RGS7: variants seen among roughly 807,000 people sequenced by gnomAD.
RGS7 encodes regulator of G-protein signaling 7.
A neutral mutation model predicts 81.1 loss-of-function variants in RGS7; 27 were observed. The ratio of observed to expected loss-of-function variants is 0.33; its 90% confidence interval spans 0.25 to 0.46. The LOEUF (loss-of-function observed/expected upper bound fraction) is 0.46, where lower values mean the gene tolerates loss of function less well. RGS7 is among the 20% of genes least tolerant of loss of function. RGS7 has a pLI of 1.00. For synonymous variants in RGS7, 208 were observed against 207.7 expected (o/e 1.00, Z -0.01); for missense variants, 396 against 607.4 (o/e 0.65, Z 3.66).
intron 6 of RGS7, among the ~76,000 whole-genome samples, chr1:240,922,010 A>G (rs1673634597): frequency 6.6e-6 from 1 of 152,188 alleles, no homozygotes; most frequent in Non-Finnish European, 1.5e-5. Flanking sequence ...ATAAACCTAT[A>G]GTAATCGAGG....
At chr1:240,821,563 G>A (rs1427041923) in intron 10 of RGS7, among the ~76,000 whole-genome samples, 1 of 152,204 alleles carries the variant, frequency 6.6e-6, no homozygotes, top group Non-Finnish European at 1.5e-5. Flanking sequence ...TAAGACAAGA[G>A]TAGTTTATTC....
intron 18 of RGS7, among the ~76,000 whole-genome samples, chr1:240,783,981 G>C (rs981441132): frequency 2.2e-5 from 3 of 138,066 alleles, no homozygotes; most frequent in Non-Finnish European, 4.6e-5. Context: ...TTTAAGACCA[G>C]CCTGGCCAAC....
At chr1:240,818,020 C>T (rs74795994) in intron 10 of RGS7, among the ~76,000 whole-genome samples, 2,549 of 152,278 alleles carry the variant, frequency 0.017, 74 homozygotes, top group African/African-American at 0.058. Context: ...CTTTCTTGCC[C>T]TACCACCAGA....
chr1:240,963,027 C>A (rs1441893507), intron 4 of RGS7, among the ~76,000 whole-genome samples: 1 of 151,956 alleles, frequency 6.6e-6, no homozygotes, highest in African/African-American at 2.4e-5. Flanking sequence ...TTGGAAAGAT[C>A]ATTATAGATG....
intron 3 of RGS7, among the ~76,000 whole-genome samples, chr1:241,087,836 C>G (rs59804097): frequency 0.029 from 4,364 of 151,798 alleles, 208 homozygotes; most frequent in African/African-American, 0.1. Context: ...GTAATCCCAG[C>G]TACTCGGGAG....
chr1:241,328,482 G>T (rs2081754750), intron 2 of RGS7, among the ~76,000 whole-genome samples: 1 of 152,192 alleles, frequency 6.6e-6, no homozygotes, highest in Non-Finnish European at 1.5e-5. Flanking sequence ...TGTCCTAGTG[G>T]ACTGGAAATC....
At chr1:240,943,001 T>G (rs1677861381) in intron 4 of RGS7, among the ~76,000 whole-genome samples, 2 of 152,180 alleles carry the variant, frequency 1.3e-5, no homozygotes, top group Non-Finnish European at 2.9e-5. Context: ...AGCTTTCATC[T>G]TTTTAAAAAA....
intron 2 of RGS7, among the ~76,000 whole-genome samples, chr1:241,118,105 C>G (rs918305384): frequency 3.9e-5 from 6 of 152,132 alleles, no homozygotes; most frequent in Non-Finnish European, 5.9e-5. Flanking sequence ...TTATTCTATT[C>G]CACTGAATAA....
chr1:241,181,443 C>T (rs371584030), intron 2 of RGS7, among the ~76,000 whole-genome samples: 4 of 152,100 alleles, frequency 2.6e-5, no homozygotes, highest in Non-Finnish European at 4.4e-5. Flanking sequence ...TAATTAAATG[C>T]GATAAATATG....
intron 16 of RGS7, 141 bp from the exon 17 acceptor site, chr1:240,801,649 A>T: frequency 1.4e-6 from 1 of 721,790 alleles, no homozygotes; most frequent in Non-Finnish European, 2.4e-6. Flanking sequence ...CAGAAGGCCC[A>T]TAGAGGTTGG....
Position 240,812,055 on chromosome 1 carries a change from A to C in RGS7, c.957-12T>G. On this transcript the variant is annotated splice_polypyrimidine_tract_variant and intron_variant, in intron 13 of 18. Coordinates refer to ENST00000440928, the MANE Select transcript of RGS7 (RefSeq NM_001364886.1). ...GGCTCGGTTCTTTGCTATAGAAGAT[A>C]AAACAAAGGCAAATACATTCCTTTC... is the stretch of plus-strand genomic sequence containing the variant. 6.2e-7 allele frequency: 1 copy of C among 1,614,128 alleles called. No homozygotes were observed. The highest frequency in any genetic ancestry group is 8.5e-7 in the Non-Finnish European group (1 of 1,180,004).
intron 2 of RGS7, among the ~76,000 whole-genome samples, chr1:241,162,904 T>C (rs1262455312): frequency 6.6e-6 from 1 of 152,234 alleles, no homozygotes; most frequent in East Asian, 1.9e-4. Context: ...GTTTATAGTC[T>C]ATTGATAGCT....
At position 240,816,526 on chromosome 1, in the gene RGS7, G is replaced by C. The variant is rs527696894; in HGVS notation, c.685-111C>G. 15 of 724,066 alleles carry C rather than the reference G, an allele frequency of 2.1e-5. No individual in the cohort carries two copies. In the East Asian group the frequency reaches 3.5e-4, roughly 17 times the overall value. The allele number at this position is 724,066 out of a possible 1,614,324, so 44.9% of individuals were successfully genotyped here. A position where few individuals can be genotyped will look rare whatever the true frequency, so the allele number is the denominator to read the frequency against. Reference sequence around the variant, plus strand: ...CAGTAAGGTCTCTCAAAGCTTATTTGATTAAGCTTCTTAACAAAATTCAAA... The same window carrying C: ...CAGTAAGGTCTCTCAAAGCTTATTTCATTAAGCTTCTTAACAAAATTCAAA... On this transcript the variant is annotated intron_variant, in intron 10 of 18. Coordinates refer to ENST00000440928, the MANE Select transcript of RGS7 (RefSeq NM_001364886.1).
At chr1:240,802,820 C>T (rs982961085) in intron 16 of RGS7, 84 bp downstream of exon 16, 2 of 903,370 alleles carry the variant, frequency 2.2e-6, no homozygotes, top group Non-Finnish European at 3.7e-6. Context: ...TAGTCCAATA[C>T]CCTGGATTCA....
chr1:241,336,713 T>C (rs1418757366), intron 2 of RGS7, among the ~76,000 whole-genome samples: 4 of 152,242 alleles, frequency 2.6e-5, no homozygotes, highest in Non-Finnish European at 4.4e-5. Flanking sequence ...TTATCATTTT[T>C]AATGTGAAGA....
chr1:241,088,055 T>TAC (rs201290993), intron 3 of RGS7, among the ~76,000 whole-genome samples: 10 of 138,852 alleles, frequency 7.2e-5, no homozygotes, highest in South Asian at 4.3e-4. Flanking sequence ...TATATATATA[T>TAC]ACACACACAC....
At chr1:241,168,938 T>C (rs1019919958) in intron 2 of RGS7, among the ~76,000 whole-genome samples, 3 of 152,176 alleles carry the variant, frequency 2.0e-5, no homozygotes, top group African/African-American at 7.2e-5. Flanking sequence ...CTGAAGAAGC[T>C]AGGAAGTGGA....
chr1:240,863,633 C>A (rs1027858321), intron 9 of RGS7, among the ~76,000 whole-genome samples: 1 of 152,118 alleles, frequency 6.6e-6, no homozygotes, highest in African/African-American at 2.4e-5. Context: ...GTATAAACAT[C>A]CCTGGCAGGG....
intron 10 of RGS7, among the ~76,000 whole-genome samples, chr1:240,816,822 A>G (rs1411556783): frequency 3.3e-5 from 5 of 152,202 alleles, no homozygotes; most frequent in African/African-American, 4.8e-5. Context: ...AAATAACTCG[A>G]TATTTTACAT....
Sources: allele counts gnomAD v4.1 joint callset (sites outside exome capture counted in the v4.1 genomes callset), GRCh38; gene constraint gnomAD v4.1.1; transcripts MANE v1.5; gene names NCBI Gene and HGNC (gene_info 2026-07-23, HGNC 2026-07-21).